SLTM: variants seen among roughly 807,000 people sequenced by gnomAD.
SLTM encodes SAFB-like transcription modulator.
Under a neutral mutation model 134.6 loss-of-function variants are expected in SLTM, and 43 were observed. The observed-to-expected ratio is 0.32, with a 90% confidence interval of 0.25 to 0.41. The LOEUF (loss-of-function observed/expected upper bound fraction) is 0.41. Ranked by LOEUF, SLTM falls within the 10% of genes least tolerant of loss-of-function variation. The probability of loss-of-function intolerance (pLI) is 1.00; values close to 1 mark genes in which losing one functional copy is unlikely to be tolerated. For synonymous variants in SLTM, 424 were observed against 432.3 expected (o/e 0.98, Z 0.24); for missense variants, 1,055 against 1,288.8 (o/e 0.82, Z 2.78).
intron 2 of SLTM, among the ~76,000 whole-genome samples, chr15:58,917,512 C>T (rs1337454815): frequency 6.6e-6 from 1 of 152,206 alleles, no homozygotes; most frequent in Non-Finnish European, 1.5e-5. Flanking sequence ...CTCTAGTACA[C>T]CTTGCCTCTT....
At chr15:58,923,076 G>A (rs1238812972) in intron 2 of SLTM, among the ~76,000 whole-genome samples, 2 of 152,110 alleles carry the variant, frequency 1.3e-5, no homozygotes, top group East Asian at 3.9e-4. Flanking sequence ...TGGAAAACAG[G>A]TCGGGCATGG....
intron 5 of SLTM, among the ~76,000 whole-genome samples, chr15:58,911,392 A>C (rs2036258767): frequency 6.6e-6 from 1 of 152,222 alleles, no homozygotes; most frequent in African/African-American, 2.4e-5. Context: ...TGAATCTAGT[A>C]AACAAAGGAA....
At chr15:58,896,287 G>T (rs1348152842) in intron 9 of SLTM, among the ~76,000 whole-genome samples, 3 of 152,082 alleles carry the variant, frequency 2.0e-5, no homozygotes, top group Non-Finnish European at 4.4e-5. Flanking sequence ...GGCGTGGTGC[G>T]ATGGCTCACA....
At chr15:58,881,531 A>C (rs2033711231) in intron 20 of SLTM, among the ~76,000 whole-genome samples, 1 of 151,736 alleles carries the variant, frequency 6.6e-6, no homozygotes, top group African/African-American at 2.4e-5. Flanking sequence ...TTGGAAAAAA[A>C]AAAAAATCTA....
At chr15:58,902,729 G>GT (rs113107047) in intron 5 of SLTM, among the ~76,000 whole-genome samples, 5,781 of 140,180 alleles carry the variant, frequency 0.041, 322 homozygotes, top group African/African-American at 0.13. Context: ...GTTTTGTCTT[G>GT]TTTTTTTTTT....
In SLTM at chr15:58,887,098, A is replaced by G. The variant is rs1175552177; in HGVS notation, c.2712T>C (p.Ser904=). ...CACTGTGCCCTGATACTTCTCTCCC[A>G]GATCGTTCTGGCCTTTCAACTCTGT... The part of the protein sequence containing the change: ...RETRVERPER[S]GREVSGHSVR... The change falls in exon 19 of 21, where the codon TCT becomes TCC. Residue 904 remains serine (S), a synonymous_variant. Coordinates refer to ENST00000380516, the MANE Select transcript of SLTM (RefSeq NM_024755.4). The G allele has an allele frequency of 7.4e-6, 12 of 1,614,010 alleles. No homozygotes were observed. The highest frequency in any genetic ancestry group is 9.3e-6 in the Non-Finnish European group (11 of 1,180,020).
intron 3 of SLTM, 53 bp downstream of exon 3, chr15:58,916,882 G>A (rs2036688115): frequency 6.6e-7 from 1 of 1,521,304 alleles, no homozygotes; most frequent in African/African-American, 1.4e-5. Context: ...AATTCATGAT[G>A]CAAAATACTA....
intron 2 of SLTM, among the ~76,000 whole-genome samples, chr15:58,931,669 T>A (rs1018054498): frequency 2.6e-5 from 4 of 152,202 alleles, no homozygotes; most frequent in African/African-American, 9.6e-5. Context: ...CTAAGTTCCA[T>A]TCATACTGCA....
chr15:58,921,594 C>G (rs1176809931), intron 2 of SLTM: 1 of 443,546 alleles, frequency 2.3e-6, no homozygotes, highest in Non-Finnish European at 4.5e-6. Context: ...TCTTAAAAGA[C>G]ATTAGGACAA....
intron 2 of SLTM, among the ~76,000 whole-genome samples, chr15:58,922,364 CAA>C (rs1339639584): frequency 3.0e-5 from 1 of 32,998 alleles, no homozygotes; most frequent in African/African-American, 1.2e-4. Context: ...GTGACAAGAG[CAA>C]AACTCTGCCT....
chr15:58,906,600 G>C (rs1207997219), intron 5 of SLTM, among the ~76,000 whole-genome samples: 1 of 152,182 alleles, frequency 6.6e-6, no homozygotes, highest in Non-Finnish European at 1.5e-5. Flanking sequence ...GGCTAAGCAA[G>C]AAGACCTCCT....
chr15:58,882,536 G>A (rs1030974445), intron 20 of SLTM, among the ~76,000 whole-genome samples: 35 of 152,186 alleles, frequency 2.3e-4, no homozygotes, highest in African/African-American at 5.6e-4. Flanking sequence ...ATAAGTGACC[G>A]TGTGAAACAG....
chr15:58,901,411 C>A, intron 5 of SLTM, 124 bp from the exon 6 acceptor site: 1 of 728,414 alleles, frequency 1.4e-6, no homozygotes, highest in South Asian at 1.8e-5. Flanking sequence ...GGATACCTAA[C>A]ACTAACAAAT....
chr15:58,931,222 A>G (rs1459713819), intron 2 of SLTM, among the ~76,000 whole-genome samples: 1 of 152,174 alleles, frequency 6.6e-6, no homozygotes, highest in East Asian at 1.9e-4. Flanking sequence ...TACCTTTAAG[A>G]TAACTTTTTT....
At chr15:58,929,811 G>C (rs1346118329) in intron 2 of SLTM, among the ~76,000 whole-genome samples, 1 of 152,132 alleles carries the variant, frequency 6.6e-6, no homozygotes, top group Non-Finnish European at 1.5e-5. Flanking sequence ...GAGTTGGTAT[G>C]ACGCATTTAA....
chr15:58,928,973 G>A (rs551824912), intron 2 of SLTM, among the ~76,000 whole-genome samples: 25 of 152,090 alleles, frequency 1.6e-4, no homozygotes, highest in Admixed American at 1.6e-3. Flanking sequence ...TCTCATTTTT[G>A]TCTATATAAT....
At chr15:58,880,240 C>G in intron 20 of SLTM, 133 bp from the exon 21 acceptor site, 1 of 1,167,122 alleles carries the variant, frequency 8.6e-7, no homozygotes, top group East Asian at 2.8e-5. Context: ...GAGGTCTGAA[C>G]CATTGCTAAC....
chr15:58,879,909 G>GC lies in SLTM; in HGVS notation c.*89dup. On this transcript the variant is annotated 3_prime_UTR_variant, in exon 21 of 21. Transcript: ENST00000380516. Reference sequence around the variant, plus strand: ...AAGAAAAGTCTGACAGAACTCTCAAGCAAGTCAGAGGTCCTCTTCATAAGT... The same window carrying GC: ...AAGAAAAGTCTGACAGAACTCTCAAGCCAAGTCAGAGGTCCTCTTCATAAGT... 2 of 1,431,808 alleles carry GC rather than the reference G, an allele frequency of 1.4e-6. No individual in the cohort carries two copies. The highest frequency in any genetic ancestry group is 1.9e-6 in the Non-Finnish European group (2 of 1,075,128). 88.7% of individuals were successfully genotyped at this position (1,431,808 alleles called of 1,614,324 possible). A position where few individuals can be genotyped will look rare whatever the true frequency, so the allele number is the denominator to read the frequency against.
At chr15:58,916,869 C>A in intron 3 of SLTM, 66 bp downstream of exon 3, 1 of 1,463,984 alleles carries the variant, frequency 6.8e-7, no homozygotes. Context: ...ACAAAAAGCA[C>A]AAAATTCATG....
Sources: allele counts gnomAD v4.1 joint callset (sites outside exome capture counted in the v4.1 genomes callset), GRCh38; gene constraint gnomAD v4.1.1; transcripts MANE v1.5; gene names NCBI Gene and HGNC (gene_info 2026-07-23, HGNC 2026-07-21).